Variants in ACAP2 observed in about 807,000 individuals in gnomAD.
ACAP2 encodes the protein arf-GAP with coiled-coil, ANK repeat and PH domain-containing protein 2.
ACAP2 carries 39 observed loss-of-function variants against 115.8 expected under a neutral mutation model. That is an observed-to-expected ratio of 0.34 (90% CI 0.26 to 0.44). The LOEUF (loss-of-function observed/expected upper bound fraction) is 0.44, where lower values mean the gene tolerates loss of function less well. Ranked by LOEUF, ACAP2 falls within the 20% of genes least tolerant of loss-of-function variation. The pLI is 1.00. For missense variants in ACAP2, 662 were observed against 927.6 expected (o/e 0.71, Z 3.72); for synonymous variants, 289 against 315.8 (o/e 0.92, Z 0.90).
chr3:195,430,073 G>A (rs930139204), intron 1 of ACAP2, among the ~76,000 whole-genome samples: 5 of 152,200 alleles, frequency 3.3e-5, no homozygotes, highest in African/African-American at 9.7e-5. Flanking sequence ...TAGAAAGGAA[G>A]ATGAAAAGGA....
Position 195,295,699 on chromosome 3 carries a change from T to C in ACAP2, c.1672+9A>G. On this transcript the variant is annotated intron_variant, in intron 17 of 22. Transcript: ENST00000326793. ...ATAGCTATAGACACAGTAAGAAAGT[T>C]TGCCATACCTGAACTTTGGGCAGAT... 4.3e-6 allele frequency: 7 copies of C among 1,614,044 alleles called. No homozygotes were observed. Among genetic ancestry groups the C allele is most frequent in the Non-Finnish European group, 5.9e-6 (7 of 1,179,962 alleles).
chr3:195,429,657 A>G (rs1025351038), intron 1 of ACAP2, among the ~76,000 whole-genome samples: 1 of 152,184 alleles, frequency 6.6e-6, no homozygotes, highest in Admixed American at 6.5e-5. Flanking sequence ...ACAATTGTGC[A>G]TTTCAATGTA....
chr3:195,442,383 T>A, intron 1 of ACAP2: 1 of 199,174 alleles, frequency 5.0e-6, no homozygotes, highest in Non-Finnish European at 9.7e-6. Context: ...AAAGAGGGGG[T>A]GGGGAGGGGG....
At chr3:195,303,891 G>C (rs1008010722) in intron 13 of ACAP2, among the ~76,000 whole-genome samples, 4 of 152,156 alleles carry the variant, frequency 2.6e-5, no homozygotes. Flanking sequence ...GTCAGGCAAA[G>C]TAGCTCATGC....
At chr3:195,409,464 A>G (rs1351185846) in intron 1 of ACAP2, among the ~76,000 whole-genome samples, 2 of 152,212 alleles carry the variant, frequency 1.3e-5, no homozygotes, top group Admixed American at 1.3e-4. Flanking sequence ...AAACAAATGG[A>G]AACATATCCC....
chr3:195,413,579 T>A (rs925607994), intron 1 of ACAP2, among the ~76,000 whole-genome samples: 4 of 151,950 alleles, frequency 2.6e-5, no homozygotes, highest in Non-Finnish European at 4.4e-5. Context: ...CGAAACCCTG[T>A]CTCTACGAAA....
intron 1 of ACAP2, among the ~76,000 whole-genome samples, chr3:195,398,678 T>TAAATAAAA (rs34351092): frequency 6.7e-6 from 1 of 149,322 alleles, no homozygotes; most frequent in African/African-American, 2.5e-5. Flanking sequence ...AATAAATAAA[T>TAAATAAAA]AAAATGTCTC....
intron 4 of ACAP2, among the ~76,000 whole-genome samples, chr3:195,374,827 G>A (rs1171415923): frequency 1.3e-5 from 2 of 151,802 alleles, no homozygotes; most frequent in Non-Finnish European, 2.9e-5. Context: ...CCATTCTCCT[G>A]TCTCAGCATC....
At chr3:195,400,923 G>A (rs937118319) in intron 1 of ACAP2, among the ~76,000 whole-genome samples, 8 of 152,194 alleles carry the variant, frequency 5.3e-5, no homozygotes, top group Non-Finnish European at 1.2e-4. Context: ...GGCCAGGCGA[G>A]GTGGCTCATG....
At chr3:195,434,269 G>A (rs1285169248) in intron 1 of ACAP2, among the ~76,000 whole-genome samples, 2 of 151,590 alleles carry the variant, frequency 1.3e-5, no homozygotes, top group Admixed American at 1.3e-4. Flanking sequence ...ATCTTGCTCT[G>A]TCACCCAGGC....
chr3:195,306,670 C>T lies in ACAP2; in HGVS notation c.1011-54G>A, dbSNP rs1056391537. 2.9e-5 allele frequency: 36 copies of T among 1,229,224 alleles called. No homozygotes were observed. In the Admixed American group the frequency reaches 3.3e-4, roughly 11 times the overall value. 76.1% of individuals were successfully genotyped at this position (1,229,224 alleles called of 1,614,324 possible). On this transcript the variant is annotated intron_variant, in intron 12 of 22. Coordinates refer to ENST00000326793, the MANE Select transcript of ACAP2 (RefSeq NM_012287.6). The stretch of plus-strand genomic sequence containing the variant: ...AGACACTAAGTTAATGCCAAAAACA[C>T]CCTATAAGCTTTATATTTTTTCCAC...
chr3:195,406,252 T>G (rs1712759952), intron 1 of ACAP2, among the ~76,000 whole-genome samples: 1 of 152,172 alleles, frequency 6.6e-6, no homozygotes, highest in African/African-American at 2.4e-5. Context: ...TATCAATAAG[T>G]CCTCACCCTC....
chr3:195,432,668 G>T (rs1211997112), intron 1 of ACAP2, among the ~76,000 whole-genome samples: 1 of 152,108 alleles, frequency 6.6e-6, no homozygotes, highest in Non-Finnish European at 1.5e-5. Flanking sequence ...GCTGTTCTGG[G>T]TTACTTATAT....
chr3:195,344,722 C>A (rs999944854), intron 5 of ACAP2, among the ~76,000 whole-genome samples: 2 of 152,138 alleles, frequency 1.3e-5, no homozygotes, highest in Non-Finnish European at 2.9e-5. Context: ...GTTTCTCCAT[C>A]TTGGCCAGGC....
At chr3:195,342,329 G>A (rs1188304597) in intron 6 of ACAP2, 142 bp downstream of exon 6, 1 of 757,348 alleles carries the variant, frequency 1.3e-6, no homozygotes, top group Non-Finnish European at 2.0e-6. Flanking sequence ...TAGCTACACA[G>A]ATGGAAATTT....
At chr3:195,315,771 T>C (rs549681593) in intron 10 of ACAP2, among the ~76,000 whole-genome samples, 1 of 152,256 alleles carries the variant, frequency 6.6e-6, no homozygotes, top group East Asian at 1.9e-4. Context: ...ATTGTTTTTT[T>C]CACTTTGTAA....
At chr3:195,359,871 A>G (rs564943210) in intron 4 of ACAP2, among the ~76,000 whole-genome samples, 3 of 152,206 alleles carry the variant, frequency 2.0e-5, no homozygotes, top group Non-Finnish European at 4.4e-5. Flanking sequence ...GGTAACCTCC[A>G]ATCTACAAAC....
chr3:195,427,551 C>A (rs1714776888), intron 1 of ACAP2, among the ~76,000 whole-genome samples: 1 of 152,016 alleles, frequency 6.6e-6, no homozygotes, highest in Non-Finnish European at 1.5e-5. Flanking sequence ...AGAATACAAA[C>A]CTGTACAGTA....
At chr3:195,366,679 C>T (rs1312529233) in intron 4 of ACAP2, among the ~76,000 whole-genome samples, 1 of 152,196 alleles carries the variant, frequency 6.6e-6, no homozygotes, top group Admixed American at 6.5e-5. Flanking sequence ...ATTACTAATG[C>T]CTGCTTCTTA....
Sources: gnomAD v4.1 joint callset for allele counts (sites outside exome capture counted in the v4.1 genomes callset) on GRCh38, gnomAD v4.1.1 for gene constraint, MANE v1.5 for transcripts, NCBI Gene and HGNC (gene_info 2026-07-23, HGNC 2026-07-21) for gene names.